The following RAD51B variants were observed in gnomAD, a reference collection of about 807,000 sequenced individuals.
The protein encoded by RAD51B is DNA repair protein RAD51 homolog 2.
RAD51B carries 38 observed loss-of-function variants against 42.2 expected under a neutral mutation model. The ratio of observed to expected loss-of-function variants is 0.90; its 90% CI spans 0.70 to 1.18. The LOEUF (loss-of-function observed/expected upper bound fraction) is 1.18. Ranked by LOEUF, RAD51B falls within the 50% of genes most tolerant of loss-of-function variation. The pLI is 0.00. For missense variants in RAD51B, 373 were observed against 400.7 expected, an observed-to-expected ratio of 0.93 and a Z score of 0.59; for synonymous variants, 154 against 145.2, an observed-to-expected ratio of 1.06 and a Z score of -0.43.
chr14:68,469,966 G>C, intron 10 of RAD51B, among the ~76,000 whole-genome samples: 1 of 152,272 alleles, frequency 6.6e-6, no homozygotes, highest in South Asian at 2.1e-4. Context: ...TTGCCTCTCT[G>C]ATGTTCATTG....
intron 8 of RAD51B, among the ~76,000 whole-genome samples, chr14:68,378,782 T>G (rs1005192323): frequency 6.6e-6 from 1 of 152,192 alleles, no homozygotes; most frequent in African/African-American, 2.4e-5. Context: ...TTATCTGTGA[T>G]CTCAAGATTG....
chr14:68,043,444 T>A (rs567200931), intron 7 of RAD51B, among the ~76,000 whole-genome samples: 91 of 152,348 alleles, frequency 6.0e-4, no homozygotes, highest in Non-Finnish European at 1.0e-3. Context: ...TTGGAAAAGA[T>A]ATCTGATGAC....
intron 9 of RAD51B, among the ~76,000 whole-genome samples, chr14:68,412,941 GT>G (rs747272058): frequency 1.8e-4 from 27 of 152,182 alleles, no homozygotes; most frequent in Non-Finnish European, 3.4e-4. Context: ...GTGAATCAAT[GT>G]TGAGTCATTC....
At chr14:68,420,146 A>G (rs1425813121) in intron 9 of RAD51B, among the ~76,000 whole-genome samples, 1 of 152,214 alleles carries the variant, frequency 6.6e-6, no homozygotes, top group African/African-American at 2.4e-5. Context: ...GATAGCATCA[A>G]TATTTGAAAC....
At chr14:67,872,165 A>T (rs1485386168) in intron 5 of RAD51B, among the ~76,000 whole-genome samples, 1 of 150,308 alleles carries the variant, frequency 6.7e-6, no homozygotes, top group South Asian at 2.1e-4. Flanking sequence ...TTTGCAGACG[A>T]CATGATTGTA....
chr14:67,995,703 C>T (rs1264363722), intron 7 of RAD51B, among the ~76,000 whole-genome samples: 9 of 151,674 alleles, frequency 5.9e-5, no homozygotes, highest in South Asian at 2.1e-4. Context: ...CTGCAAGCTC[C>T]GCCTCCTGGG....
At chr14:68,497,150 AATG>A in intron 10 of RAD51B, 2 of 1,401,064 alleles carry the variant, frequency 1.4e-6, no homozygotes, top group Non-Finnish European at 1.9e-6. Context: ...GAGACAGATA[AATG>A]TGCAAACCTG....
intron 7 of RAD51B, among the ~76,000 whole-genome samples, chr14:67,976,249 T>C (rs944031875): frequency 6.6e-6 from 1 of 151,990 alleles, no homozygotes; most frequent in African/African-American, 2.4e-5. Flanking sequence ...CCTGAGTAGC[T>C]GGGACCACAG....
intron 7 of RAD51B, among the ~76,000 whole-genome samples, chr14:67,934,749 G>T (rs2044872483): frequency 1.3e-5 from 2 of 152,192 alleles, no homozygotes; most frequent in African/African-American, 4.8e-5. Flanking sequence ...CCCCTTGAGG[G>T]CAGGGAGTGT....
chr14:67,902,188 A>T (rs149571468), intron 7 of RAD51B, among the ~76,000 whole-genome samples: 11 of 152,272 alleles, frequency 7.2e-5, no homozygotes, highest in Non-Finnish European at 1.3e-4. Context: ...TTGCTACCTC[A>T]TAAGGCTTAA....
At chr14:68,333,187 G>A (rs947697556) in intron 8 of RAD51B, among the ~76,000 whole-genome samples, 3 of 152,078 alleles carry the variant, frequency 2.0e-5, no homozygotes, top group Admixed American at 6.6e-5. Context: ...CTGTAACCTA[G>A]GACCTTCTAG....
At chr14:68,442,526 C>T (rs1241846820) in intron 9 of RAD51B, among the ~76,000 whole-genome samples, 2 of 148,892 alleles carry the variant, frequency 1.3e-5, no homozygotes, top group South Asian at 2.1e-4. Context: ...CTGCAACCTC[C>T]GCCTCCTGGG....
chr14:67,838,878 C>T (rs1160740250), intron 4 of RAD51B, among the ~76,000 whole-genome samples: 2 of 149,838 alleles, frequency 1.3e-5, no homozygotes, highest in Non-Finnish European at 3.0e-5. Context: ...TCCTCCATTT[C>T]CTAGCTAAAA....
chr14:68,008,033 T>C (rs370213934), intron 7 of RAD51B, among the ~76,000 whole-genome samples: 2 of 152,008 alleles, frequency 1.3e-5, no homozygotes, highest in East Asian at 3.9e-4. Flanking sequence ...TCAGGTAACA[T>C]AGGAAATGTA....
intron 10 of RAD51B, among the ~76,000 whole-genome samples, chr14:68,584,337 A>G (rs1277157576): frequency 6.6e-6 from 1 of 152,088 alleles, no homozygotes; most frequent in East Asian, 1.9e-4. Context: ...GAGGGTCCTG[A>G]TCTTGTTACT....
chr14:67,932,830 G>T (rs978695960), intron 7 of RAD51B, among the ~76,000 whole-genome samples: 1 of 152,134 alleles, frequency 6.6e-6, no homozygotes, highest in African/African-American at 2.4e-5. Flanking sequence ...TCTAAGCATG[G>T]AGGCCACACC....
intron 11 of RAD51B, among the ~76,000 whole-genome samples, chr14:68,673,841 A>G (rs1268227388): frequency 6.6e-6 from 1 of 151,528 alleles, no homozygotes; most frequent in South Asian, 2.1e-4. Context: ...ACATACACAT[A>G]TGTACATGCA....
intron 10 of RAD51B, among the ~76,000 whole-genome samples, chr14:68,469,515 G>A (rs1353520275): frequency 6.6e-6 from 1 of 152,124 alleles, no homozygotes; most frequent in Non-Finnish European, 1.5e-5. Context: ...CAAGTTCCTT[G>A]GTAAATATTT....
chr14:68,470,053 G>A lies in RAD51B; in HGVS notation c.1036+1803G>A, dbSNP rs1380725152. 3.3e-5 allele frequency among the ~76,000 whole-genome samples: 5 copies of A among 152,156 alleles called. No individual in the cohort carries two copies. In the East Asian group the frequency reaches 7.7e-4, roughly 23 times the overall value. ...CCTGGAAATACAATGAATTGGTAGA[G>A]TTTAAAAAACTGCAAGGAATGACTT... On this transcript the variant is annotated intron_variant, in intron 10 of 10. Transcript: ENST00000471583.
Sources: gnomAD v4.1 joint callset for allele counts (sites outside exome capture counted in the v4.1 genomes callset) on GRCh38, gnomAD v4.1.1 for gene constraint, MANE v1.5 for transcripts, NCBI Gene and HGNC (gene_info 2026-07-23, HGNC 2026-07-21) for gene names.